KCNIP4: variants seen among roughly 807,000 people sequenced by gnomAD.
The protein encoded by KCNIP4 is Kv channel-interacting protein 4.
A neutral mutation model predicts 34.0 loss-of-function variants in KCNIP4; 12 were observed. That is an observed-to-expected ratio of 0.35 (90% CI 0.23 to 0.57). KCNIP4 has a LOEUF of 0.57. KCNIP4 is among the 20% of genes least tolerant of loss of function. The pLI, the probability that KCNIP4 is intolerant of heterozygous loss-of-function variation, is 0.83. For missense variants in KCNIP4, 238 were observed against 311.7 expected (o/e 0.76, Z 1.78); for synonymous variants, 124 against 102.2 (o/e 1.21, Z -1.29).
chr4:21,447,079 C>G (rs1456773486), intron 1 of KCNIP4, among the ~76,000 whole-genome samples: 1 of 152,138 alleles, frequency 6.6e-6, no homozygotes, highest in Non-Finnish European at 1.5e-5. Context: ...AAGTTTTATA[C>G]TTGCCATAGA....
chr4:21,040,817 CT>C (rs1741888387), intron 1 of KCNIP4, among the ~76,000 whole-genome samples: 1 of 151,758 alleles, frequency 6.6e-6, no homozygotes, highest in Non-Finnish European at 1.5e-5. Flanking sequence ...ACTAGAGTGG[CT>C]TTAAAATGGC....
intron 1 of KCNIP4, among the ~76,000 whole-genome samples, chr4:21,709,834 C>A (rs1713581273): frequency 6.6e-6 from 1 of 152,160 alleles, no homozygotes; most frequent in Non-Finnish European, 1.5e-5. Flanking sequence ...TGAGTAATCC[C>A]TTTTGTGCTA....
At chr4:20,986,358 A>G (rs1373312094) in intron 1 of KCNIP4, among the ~76,000 whole-genome samples, 2 of 152,034 alleles carry the variant, frequency 1.3e-5, no homozygotes, top group East Asian at 3.9e-4. Flanking sequence ...CCATCCAAAC[A>G]TTTTCTTCTC....
chr4:21,309,985 A>G (rs1712964860), intron 1 of KCNIP4, among the ~76,000 whole-genome samples: 1 of 152,174 alleles, frequency 6.6e-6, no homozygotes, highest in African/African-American at 2.4e-5. Flanking sequence ...TAGGAAAGGC[A>G]ATGTATATTA....
intron 3 of KCNIP4, among the ~76,000 whole-genome samples, chr4:20,793,958 G>A (rs1713112702): frequency 6.6e-6 from 1 of 152,106 alleles, no homozygotes; most frequent in East Asian, 1.9e-4. Flanking sequence ...ATTGAGTCAT[G>A]GGAGTGAATC....
intron 1 of KCNIP4, among the ~76,000 whole-genome samples, chr4:21,559,604 ACT>A (rs1441496703): frequency 6.6e-6 from 1 of 152,072 alleles, no homozygotes; most frequent in African/African-American, 2.4e-5. Flanking sequence ...AGACACCATG[ACT>A]CTGCCAGGAA....
At chr4:21,121,088 G>A (rs1284233043) in intron 1 of KCNIP4, among the ~76,000 whole-genome samples, 2 of 152,114 alleles carry the variant, frequency 1.3e-5, no homozygotes, top group Non-Finnish European at 2.9e-5. Context: ...TTCTGGAATG[G>A]CATAAGTGCT....
intron 1 of KCNIP4, among the ~76,000 whole-genome samples, chr4:21,122,032 G>A (rs978899803): frequency 2.6e-4 from 40 of 152,172 alleles, no homozygotes; most frequent in African/African-American, 9.7e-4. Flanking sequence ...ATCATAAAGA[G>A]TTCATTTTTG....
rs115860406 is a variant in KCNIP4, at chr4:21,350,864, T to C, written c.62-468155A>G. On this transcript the variant is annotated intron_variant, in intron 1 of 8. Coordinates refer to ENST00000382152, the MANE Select transcript of KCNIP4 (RefSeq NM_025221.6). ...ACTAGCATATTATTTAGACATCTAG[T>C]TTTTAATAATATTCATTTTCATACA... is the stretch of plus-strand genomic sequence containing the variant. Among the ~76,000 whole-genome samples, 1,300 of 152,278 alleles carry C rather than the reference T, an allele frequency of 8.5e-3. 32 individuals carry two copies. Among genetic ancestry groups the C allele is most frequent in the African/African-American group, 0.03 (1,228 of 41,544 alleles).
At chr4:20,928,291 A>G (rs1730098663) in intron 1 of KCNIP4, among the ~76,000 whole-genome samples, 2 of 151,488 alleles carry the variant, frequency 1.3e-5, no homozygotes. Flanking sequence ...TGATTTACCA[A>G]GATATGAAAC....
chr4:21,460,150 C>T (rs1382947368), intron 1 of KCNIP4, among the ~76,000 whole-genome samples: 1 of 145,900 alleles, frequency 6.9e-6, no homozygotes, highest in Non-Finnish European at 1.5e-5. Flanking sequence ...CTCTTTCCTC[C>T]ATTCATTCTG....
chr4:20,732,928 C>A, intron 6 of KCNIP4, 143 bp from the exon 7 acceptor site: 1 of 579,088 alleles, frequency 1.7e-6, no homozygotes, highest in South Asian at 2.3e-5. Context: ...TGTTGGTTGT[C>A]CCAAAGGAAA....
intron 1 of KCNIP4, among the ~76,000 whole-genome samples, chr4:21,837,532 C>CAAAAAAAAAAAAAAAAAA (rs60449238): frequency 1.0e-4 from 8 of 78,476 alleles, no homozygotes; most frequent in South Asian, 6.6e-4. Flanking sequence ...AAAACGCTGT[C>CAAAAAAAAAAAAAAAAAA]AAAAAAAAAA....
intron 1 of KCNIP4, among the ~76,000 whole-genome samples, chr4:21,556,769 A>T (rs1259070346): frequency 4.0e-5 from 6 of 151,676 alleles, no homozygotes; most frequent in Non-Finnish European, 8.8e-5. Context: ...AAAAATTCTA[A>T]AATTAGCCAA....
chr4:21,547,290 G>C (rs2084416266), intron 1 of KCNIP4, among the ~76,000 whole-genome samples: 1 of 152,086 alleles, frequency 6.6e-6, no homozygotes, highest in African/African-American at 2.4e-5. Flanking sequence ...TGCAGCCATA[G>C]CTGACTAATA....
intron 1 of KCNIP4, among the ~76,000 whole-genome samples, chr4:21,249,094 A>G (rs1760498984): frequency 6.6e-6 from 1 of 152,156 alleles, no homozygotes; most frequent in South Asian, 2.1e-4. Flanking sequence ...GGTAGAAATG[A>G]CTAGATTTCC....
chr4:21,542,786 G>A (rs1282616871), intron 1 of KCNIP4, among the ~76,000 whole-genome samples: 1 of 151,206 alleles, frequency 6.6e-6, no homozygotes, highest in African/African-American at 2.4e-5. Context: ...TAATGAAGAA[G>A]CTCTTGGATT....
At chr4:21,301,805 C>A (rs191454808) in intron 1 of KCNIP4, among the ~76,000 whole-genome samples, 55 of 152,198 alleles carry the variant, frequency 3.6e-4, no homozygotes, top group Non-Finnish European at 5.3e-4. Context: ...TTTTTTATCT[C>A]CAGCTAGCAA....
chr4:21,792,828 C>T (rs1720386100), intron 1 of KCNIP4, among the ~76,000 whole-genome samples: 1 of 152,228 alleles, frequency 6.6e-6, no homozygotes, highest in Non-Finnish European at 1.5e-5. Context: ...GGATGTCTTC[C>T]TGTAATGTTG....
Sources: gnomAD v4.1 joint callset for allele counts (sites outside exome capture counted in the v4.1 genomes callset) on GRCh38, gnomAD v4.1.1 for gene constraint, MANE v1.5 for transcripts, NCBI Gene and HGNC (gene_info 2026-07-23, HGNC 2026-07-21) for gene names.